The following SKAP1 variants were observed in gnomAD, a reference collection of about 807,000 sequenced individuals.
The protein encoded by SKAP1 is src kinase associated phosphoprotein 1.
Under a neutral mutation model 58.5 loss-of-function variants are expected in SKAP1, and 44 were observed. That is an observed-to-expected ratio of 0.75 (90% CI 0.59 to 0.97). The LOEUF (loss-of-function observed/expected upper bound fraction) is 0.97. Among genes scored for constraint, SKAP1 ranks in the 50% least tolerant of loss-of-function variants. SKAP1 has a pLI of 0.00. For synonymous variants in SKAP1, 127 were observed against 149.7 expected, an observed-to-expected ratio of 0.85 and a Z score of 1.11; for missense variants, 390 against 435.2, an observed-to-expected ratio of 0.90 and a Z score of 0.92.
At chr17:48,190,958 A>G (rs1322300922) in intron 4 of SKAP1, among the ~76,000 whole-genome samples, 1 of 152,222 alleles carries the variant, frequency 6.6e-6, no homozygotes, top group African/African-American at 2.4e-5. Flanking sequence ...TCACTCCAGC[A>G]TGGGCGACAG....
Position 48,406,397 on chromosome 17 carries a change from G to T in SKAP1, c.47-9612C>A, listed in dbSNP as rs368380266. On this transcript the variant is annotated intron_variant, in intron 1 of 12. Coordinates refer to ENST00000336915, the MANE Select transcript of SKAP1 (RefSeq NM_003726.4). ...ATAATTTCTTAAAAATTTAAAATTA[G>T]AAATTTTTTTTTCTTTTTTTTTTTG... Among the ~76,000 whole-genome samples the T allele has an allele frequency of 2.7e-4, 41 of 151,166 alleles. No homozygotes were observed. The South Asian group carries it at 7.9e-3, about 29-fold the overall frequency.
chr17:48,174,691 T>C (rs1470220522), intron 9 of SKAP1, among the ~76,000 whole-genome samples: 1 of 152,222 alleles, frequency 6.6e-6, no homozygotes, highest in East Asian at 1.9e-4. Context: ...AATTTCTTTA[T>C]AAGAATATTA....
At chr17:48,236,324 T>A (rs1255033195) in intron 4 of SKAP1, among the ~76,000 whole-genome samples, 1 of 152,210 alleles carries the variant, frequency 6.6e-6, no homozygotes, top group Non-Finnish European at 1.5e-5. Flanking sequence ...ATTTATCATT[T>A]GTATTAAGGT....
At chr17:48,213,473 C>A (rs1206315994) in intron 4 of SKAP1, among the ~76,000 whole-genome samples, 1 of 151,996 alleles carries the variant, frequency 6.6e-6, no homozygotes, top group Non-Finnish European at 1.5e-5. Context: ...ATGAAATGGT[C>A]TCTCCAACAA....
intron 12 of SKAP1, among the ~76,000 whole-genome samples, chr17:48,136,119 G>T (rs1567786606): frequency 6.6e-6 from 1 of 152,044 alleles, no homozygotes; most frequent in African/African-American, 2.4e-5. Context: ...GTGAAAGGAA[G>T]TGTGTGCGCA....
chr17:48,167,588 A>G (rs946796659), intron 10 of SKAP1, among the ~76,000 whole-genome samples: 1 of 152,144 alleles, frequency 6.6e-6, no homozygotes, highest in African/African-American at 2.4e-5. Flanking sequence ...CCCTCCTAAA[A>G]GCAATCATTT....
intron 2 of SKAP1, among the ~76,000 whole-genome samples, chr17:48,375,991 G>A (rs999953367): frequency 6.6e-6 from 1 of 152,110 alleles, no homozygotes; most frequent in African/African-American, 2.4e-5. Context: ...AGTCAGAGAC[G>A]CCTTTCGGTT....
chr17:48,424,221 C>CTTTTT (rs71366876), intron 1 of SKAP1, among the ~76,000 whole-genome samples: 18 of 106,672 alleles, frequency 1.7e-4, no homozygotes, highest in Admixed American at 2.2e-4. Flanking sequence ...TCTGGGACCT[C>CTTTTT]TTTTTTTTTT....
At chr17:48,140,741 C>G (rs2063756712) in intron 11 of SKAP1, among the ~76,000 whole-genome samples, 1 of 151,636 alleles carries the variant, frequency 6.6e-6, no homozygotes, top group African/African-American at 2.4e-5. Context: ...TTCCCAATTT[C>G]ACTTTCACCT....
intron 9 of SKAP1, among the ~76,000 whole-genome samples, chr17:48,175,544 C>T (rs16953382): frequency 0.14 from 21,237 of 152,194 alleles, 2,046 homozygotes; most frequent in Non-Finnish European, 0.2. Context: ...TCAAAATATT[C>T]GCATCCTATT....
chr17:48,277,591 A>C (rs911539491), intron 4 of SKAP1, among the ~76,000 whole-genome samples: 4 of 152,188 alleles, frequency 2.6e-5, no homozygotes, highest in Admixed American at 2.0e-4. Flanking sequence ...GGGTTATTAG[A>C]TTAGCCATGA....
At chr17:48,166,042 A>G (rs1003704872) in intron 10 of SKAP1, among the ~76,000 whole-genome samples, 1 of 152,206 alleles carries the variant, frequency 6.6e-6, no homozygotes, top group Non-Finnish European at 1.5e-5. Context: ...ATTCAGCATA[A>G]AACAGACAGA....
chr17:48,256,932 A>T (rs17694092), intron 4 of SKAP1, among the ~76,000 whole-genome samples: 1 of 152,016 alleles, frequency 6.6e-6, no homozygotes, highest in Admixed American at 6.6e-5. Flanking sequence ...TGCTCTTGTG[A>T]TTTTAGAAGG....
At chr17:48,158,043 G>A (rs1157719501) in intron 11 of SKAP1, among the ~76,000 whole-genome samples, 1 of 151,496 alleles carries the variant, frequency 6.6e-6, no homozygotes, top group Non-Finnish European at 1.5e-5. Context: ...TGGGCATGGG[G>A]GTGCAAGCCT....
chr17:48,243,670 C>T lies in SKAP1; in HGVS notation c.281-54170G>A, dbSNP rs142432861. 1.1e-3 allele frequency among the ~76,000 whole-genome samples: 166 copies of T among 152,042 alleles called. 1 individual carries two copies. The highest frequency in any genetic ancestry group is 3.8e-3 in the African/African-American group (159 of 41,476). The stretch of plus-strand genomic sequence containing the variant: ...GGCCTGGAGGAAGCGCAAATAAAAC[C>T]GAGGAATAAGTACTTGTTTTGCAGT... On this transcript the variant is annotated intron_variant, in intron 4 of 12. Transcript: ENST00000336915.
intron 2 of SKAP1, among the ~76,000 whole-genome samples, chr17:48,387,244 A>T (rs1441178704): frequency 6.6e-6 from 1 of 152,154 alleles, no homozygotes; most frequent in African/African-American, 2.4e-5. Flanking sequence ...TTGCTTCCTT[A>T]CCATTTTCAT....
intron 4 of SKAP1, among the ~76,000 whole-genome samples, chr17:48,270,404 T>C (rs767606193): frequency 2.0e-5 from 3 of 151,922 alleles, no homozygotes; most frequent in Non-Finnish European, 4.4e-5. Flanking sequence ...AGTGCAGGGG[T>C]GGAATATCGG....
chr17:48,298,697 A>T (rs1425074060), intron 4 of SKAP1, among the ~76,000 whole-genome samples: 1 of 152,174 alleles, frequency 6.6e-6, no homozygotes, highest in Non-Finnish European at 1.5e-5. Context: ...TGAAAGAGTT[A>T]AACTCCTTCT....
intron 4 of SKAP1, among the ~76,000 whole-genome samples, chr17:48,289,390 A>C (rs2065873513): frequency 6.6e-6 from 1 of 152,296 alleles, no homozygotes; most frequent in African/African-American, 2.4e-5. Flanking sequence ...GAAGGGATAA[A>C]CTGATCAAAT....
Sources: gnomAD v4.1 joint callset for allele counts (sites outside exome capture counted in the v4.1 genomes callset) on GRCh38, gnomAD v4.1.1 for gene constraint, MANE v1.5 for transcripts, NCBI Gene and HGNC (gene_info 2026-07-23, HGNC 2026-07-21) for gene names.